Variants in PHACTR1 observed in about 807,000 individuals in gnomAD.
The protein encoded by PHACTR1 is phosphatase and actin regulator 1, also known as RPEL repeat containing 1.
In PHACTR1, 16 loss-of-function variants were observed where a neutral mutation model predicts 69.2. The observed-to-expected ratio is 0.23, with a 90% CI of 0.16 to 0.35. The LOEUF (loss-of-function observed/expected upper bound fraction) is 0.35, where lower values mean the gene tolerates loss of function less well. PHACTR1 is among the 10% of genes least tolerant of loss of function. The pLI is 1.00. For missense variants in PHACTR1, 510 were observed against 734.7 expected (o/e 0.69, Z 3.54); for synonymous variants, 312 against 284.5 (o/e 1.10, Z -0.97).
intron 7 of PHACTR1, chr6:13,184,654 G>A (rs1012591251): frequency 1.0e-5 from 5 of 490,356 alleles, no homozygotes; most frequent in African/African-American, 8.0e-5. Flanking sequence ...CCTCCTCGCT[G>A]TAGCTCTCTA....
At chr6:13,192,604 G>T (rs1763753900) in intron 7 of PHACTR1, among the ~76,000 whole-genome samples, 1 of 152,218 alleles carries the variant, frequency 6.6e-6, no homozygotes. Context: ...TCTCTCAATT[G>T]TTCCTGTGAA....
chr6:12,979,070 C>G (rs986579738), intron 4 of PHACTR1, among the ~76,000 whole-genome samples: 1 of 152,138 alleles, frequency 6.6e-6, no homozygotes, highest in Non-Finnish European at 1.5e-5. Flanking sequence ...TTAGAAGAAG[C>G]TGAAGAAGAG....
At chr6:13,148,518 C>G (rs1222560569) in intron 5 of PHACTR1, among the ~76,000 whole-genome samples, 2 of 152,182 alleles carry the variant, frequency 1.3e-5, no homozygotes, top group Non-Finnish European at 2.9e-5. Flanking sequence ...AAGATCCAAT[C>G]AAAATTCATG....
At chr6:12,736,790 C>A (rs539133) in intron 3 of PHACTR1, among the ~76,000 whole-genome samples, 3 of 151,924 alleles carry the variant, frequency 2.0e-5, no homozygotes, top group Non-Finnish European at 4.4e-5. Context: ...TCAGATTCAC[C>A]TATTAAAAAA....
At chr6:13,101,897 G>T (rs79982114) in intron 5 of PHACTR1, among the ~76,000 whole-genome samples, 1 of 152,288 alleles carries the variant, frequency 6.6e-6, no homozygotes, top group East Asian at 1.9e-4. Flanking sequence ...TTCATGGAGG[G>T]AGCCTCGTGG....
intron 4 of PHACTR1, among the ~76,000 whole-genome samples, chr6:13,028,940 G>A: frequency 6.6e-6 from 1 of 152,288 alleles, no homozygotes; most frequent in African/African-American, 2.4e-5. Flanking sequence ...TGCTAAGTGG[G>A]GGGAATAACA....
chr6:12,967,284 C>T (rs771813115), intron 4 of PHACTR1, among the ~76,000 whole-genome samples: 9 of 152,176 alleles, frequency 5.9e-5, no homozygotes, highest in Admixed American at 6.5e-5. Flanking sequence ...AGGAGGTGAG[C>T]ATTCTTTCTG....
chr6:12,735,971 T>C (rs13191658), intron 3 of PHACTR1, among the ~76,000 whole-genome samples: 1 of 152,194 alleles, frequency 6.6e-6, no homozygotes, highest in Non-Finnish European at 1.5e-5. Flanking sequence ...ATCAGCCACA[T>C]ACAAAAGGGA....
intron 6 of PHACTR1, among the ~76,000 whole-genome samples, chr6:13,169,740 T>C (rs1583694916): frequency 1.3e-5 from 2 of 152,326 alleles, no homozygotes; most frequent in South Asian, 4.1e-4. Flanking sequence ...TATGCTATTA[T>C]ATAGATTCTT....
intron 4 of PHACTR1, among the ~76,000 whole-genome samples, chr6:13,034,416 CT>C (rs1466175602): frequency 2.6e-5 from 4 of 152,138 alleles, no homozygotes; most frequent in African/African-American, 9.7e-5. Context: ...TTGGAGAAAC[CT>C]TTTGTTAAAG....
At chr6:12,795,586 A>G (rs977132639) in intron 4 of PHACTR1, among the ~76,000 whole-genome samples, 2 of 152,188 alleles carry the variant, frequency 1.3e-5, no homozygotes, top group Non-Finnish European at 2.9e-5. Flanking sequence ...TGTTTGAGTC[A>G]GGTAACATCC....
intron 10 of PHACTR1, among the ~76,000 whole-genome samples, chr6:13,259,764 G>T (rs1400955851): frequency 3.9e-5 from 6 of 152,128 alleles, no homozygotes; most frequent in Non-Finnish European, 2.9e-5. Context: ...GGGCCTCAGG[G>T]CCCCAGTTCA....
Position 12,787,683 on chromosome 6 carries a change from G to T in PHACTR1, c.250+37893G>T, listed in dbSNP as rs2327618. Among the ~76,000 whole-genome samples the T allele has an allele frequency of 9.0e-3, 1,364 of 152,322 alleles. 8 individuals are homozygous for T. The highest frequency in any genetic ancestry group is 0.013 in the Admixed American group (200 of 15,310). ...CCAAAGCTGGTGTGCTGACCCAACA[G>T]GTTCCCGGGACCTTTCTTAATTGTG... On this transcript the variant is annotated intron_variant, in intron 4 of 14. Transcript: ENST00000332995.
intron 4 of PHACTR1, among the ~76,000 whole-genome samples, chr6:12,845,429 ACCCCCCCCC>A (rs1214194071): frequency 5.5e-5 from 1 of 18,028 alleles, no homozygotes; most frequent in East Asian, 9.6e-3. Context: ...AACACCACCC[ACCCCCCCCC>A]CCCCCGCCCT....
chr6:12,902,767 G>C (rs1475341076), intron 4 of PHACTR1, among the ~76,000 whole-genome samples: 1 of 152,024 alleles, frequency 6.6e-6, no homozygotes, highest in Non-Finnish European at 1.5e-5. Flanking sequence ...CATATAACTG[G>C]CCTGGAGAAT....
At chr6:13,182,722 A>G in intron 7 of PHACTR1, 36 bp downstream of exon 7, 1 of 1,478,242 alleles carries the variant, frequency 6.8e-7, no homozygotes, top group South Asian at 1.5e-5. Context: ...CAGGTCCCAG[A>G]CACCAAGTCC....
chr6:13,114,280 A>G (rs1817487456), intron 5 of PHACTR1, among the ~76,000 whole-genome samples: 1 of 152,170 alleles, frequency 6.6e-6, no homozygotes. Flanking sequence ...TGTTTCCTGG[A>G]GACCTCTCAG....
intron 4 of PHACTR1, among the ~76,000 whole-genome samples, chr6:12,937,991 T>G (rs1450086887): frequency 6.6e-6 from 1 of 152,042 alleles, no homozygotes; most frequent in Non-Finnish European, 1.5e-5. Flanking sequence ...TCCCAGCTAC[T>G]CGGGAGGCTG....
At chr6:13,236,815 G>C (rs959091309) in intron 10 of PHACTR1, among the ~76,000 whole-genome samples, 1 of 152,114 alleles carries the variant, frequency 6.6e-6, no homozygotes, top group Admixed American at 6.6e-5. Flanking sequence ...ATAACCCTTG[G>C]AGAAGTTTCA....
Sources: allele counts gnomAD v4.1 joint callset (sites outside exome capture counted in the v4.1 genomes callset), GRCh38; gene constraint gnomAD v4.1.1; transcripts MANE v1.5; gene names NCBI Gene and HGNC (gene_info 2026-07-23, HGNC 2026-07-21).